Variants in LAMA1 observed in about 807,000 individuals in gnomAD.
LAMA1 encodes the protein laminin subunit alpha-1.
In LAMA1, 219 loss-of-function variants were observed where a neutral mutation model predicts 348.7. The observed-to-expected ratio is 0.63, with a 90% CI of 0.56 to 0.70. The LOEUF (loss-of-function observed/expected upper bound fraction) is 0.70. Among genes scored for constraint, LAMA1 ranks in the 30% least tolerant of loss-of-function variants. The pLI is 0.00. For synonymous variants in LAMA1, 1,487 were observed against 1,491.0 expected (o/e 1.00, Z 0.06); for missense variants, 3,744 against 3,888.0 (o/e 0.96, Z 0.99).
At chr18:6,968,361 G>A (rs1370299273) in intron 48 of LAMA1, among the ~76,000 whole-genome samples, 1 of 152,188 alleles carries the variant, frequency 6.6e-6, no homozygotes, top group Non-Finnish European at 1.5e-5. Flanking sequence ...CGTCATGCGA[G>A]GGCATGAGAT....
intron 5 of LAMA1, among the ~76,000 whole-genome samples, chr18:7,047,833 AC>A (rs1220314023): frequency 2.6e-5 from 4 of 152,138 alleles, no homozygotes; most frequent in Admixed American, 6.5e-5. Flanking sequence ...AGGAAAAAAA[AC>A]AAAAGCAAAA....
intron 1 of LAMA1, among the ~76,000 whole-genome samples, chr18:7,089,359 A>G (rs1355049190): frequency 4.2e-3 from 1 of 238 alleles, no homozygotes; most frequent in Non-Finnish European, 6.1e-3. Context: ...AGCCTGGGCA[A>G]AAAAAACAAA....
At chr18:7,012,247 T>C in intron 23 of LAMA1, 109 bp from the exon 24 acceptor site, 1 of 1,201,700 alleles carries the variant, frequency 8.3e-7, no homozygotes, top group Non-Finnish European at 1.2e-6. Flanking sequence ...TAATTATAGA[T>C]GCACAAACAT....
intron 3 of LAMA1, among the ~76,000 whole-genome samples, chr18:7,072,929 A>G (rs1391723126): frequency 2.6e-5 from 4 of 152,302 alleles, no homozygotes; most frequent in Non-Finnish European, 4.4e-5. Flanking sequence ...AGCCTTGCCC[A>G]GCAGCGGCCC....
Position 6,949,741 on chromosome 18 carries a change from G to A in LAMA1, c.8398-482C>T, listed in dbSNP as rs376424376. On this transcript the variant is annotated intron_variant, in intron 58 of 62. Coordinates refer to ENST00000389658, the MANE Select transcript of LAMA1 (RefSeq NM_005559.4). ...TTAGTTGACAGTTTAAAACAAAGAT[G>A]GTTAACAGTCCCTCCCCAAAACTAA... Among the ~76,000 whole-genome samples the A allele has an allele frequency of 3.3e-5, 5 of 152,268 alleles. No individual in the cohort carries two copies. In the East Asian group the frequency reaches 7.7e-4, roughly 23 times the overall value.
intron 44 of LAMA1, among the ~76,000 whole-genome samples, 182 bp from the exon 45 acceptor site, chr18:6,976,262 A>C (rs112784526): frequency 3.5e-4 from 53 of 152,332 alleles, no homozygotes; most frequent in African/African-American, 1.1e-3. Context: ...GATTTCATTA[A>C]GTGTTTAAAT....
intron 56 of LAMA1, chr18:6,956,418 T>C (rs764084547): frequency 5.5e-6 from 4 of 727,828 alleles, no homozygotes; most frequent in Non-Finnish European, 9.8e-6. Flanking sequence ...GGCCTGGGTG[T>C]TGGGGCCTAC....
At chr18:7,053,011 C>G (rs1026207164) in intron 3 of LAMA1, among the ~76,000 whole-genome samples, 1 of 152,184 alleles carries the variant, frequency 6.6e-6, no homozygotes, top group South Asian at 2.1e-4. Flanking sequence ...CAGAGCAAGA[C>G]TCTGTCTCAA....
At chr18:7,100,612 A>G (rs999635053) in intron 1 of LAMA1, among the ~76,000 whole-genome samples, 4 of 152,242 alleles carry the variant, frequency 2.6e-5, no homozygotes, top group Admixed American at 6.5e-5. Context: ...AATGTGGTGT[A>G]TCTACACACT....
chr18:7,081,208 A>G (rs745327071), intron 1 of LAMA1, among the ~76,000 whole-genome samples: 21 of 152,156 alleles, frequency 1.4e-4, no homozygotes, highest in Non-Finnish European at 2.5e-4. Flanking sequence ...TCACTGTACA[A>G]TTCTTTCCAC....
intron 3 of LAMA1, among the ~76,000 whole-genome samples, chr18:7,067,007 T>C (rs536029677): frequency 8.5e-5 from 13 of 152,338 alleles, no homozygotes; most frequent in Middle Eastern, 3.4e-3. Context: ...ACAGGTTAAA[T>C]GAATTATTGT....
At chr18:7,109,568 G>A (rs866344287) in intron 1 of LAMA1, among the ~76,000 whole-genome samples, 19 of 152,274 alleles carry the variant, frequency 1.2e-4, no homozygotes, top group South Asian at 4.1e-4. Context: ...GTGCATGAGT[G>A]GTCTGGTTAG....
intron 49 of LAMA1, 178 bp from the exon 50 acceptor site, chr18:6,965,610 C>T (rs959825176): frequency 7.8e-6 from 5 of 638,512 alleles, no homozygotes; most frequent in African/African-American, 3.7e-5. Flanking sequence ...TTCTAGAACA[C>T]TACACTAATA....
intron 53 of LAMA1, 192 bp from the exon 54 acceptor site, chr18:6,959,684 C>T (rs1175684075): frequency 9.5e-6 from 6 of 630,914 alleles, no homozygotes; most frequent in Non-Finnish European, 1.7e-5. Context: ...AATTTATATT[C>T]TGCATTATGC....
chr18:7,018,805 C>T (rs1049835173), intron 19 of LAMA1, among the ~76,000 whole-genome samples: 2 of 152,168 alleles, frequency 1.3e-5, no homozygotes, highest in African/African-American at 4.8e-5. Flanking sequence ...AAGGCCTAAA[C>T]ACGACCTGGA....
At chr18:6,955,042 A>C (rs1356616677) in intron 57 of LAMA1, 1 of 402,954 alleles carries the variant, frequency 2.5e-6, no homozygotes, top group East Asian at 5.9e-5. Flanking sequence ...ATGGGGTTGA[A>C]AGTCCAGACA....
Position 6,943,282 on chromosome 18 carries a change from T to A in LAMA1, c.8965A>T (p.Ile2989Phe), listed in dbSNP as rs1475344480. The A allele has an allele frequency of 6.2e-7, 1 of 1,614,100 alleles. No homozygotes were observed. ...GCGTTCCCGTCAACAATCAGAGTGA[T>A]ACGGTGTTTGCTTTTGTTAGCTTGA... Reference protein sequence around the residue: ...TLQANKSKHRITLIVDGNAVG... With the variant: ...TLQANKSKHRFTLIVDGNAVG... Residue 2989 changes from isoleucine to phenylalanine, a missense_variant, in exon 62 of 63, where the codon ATC becomes TTC. Physicochemically the swap from Ile to Phe is conservative, Grantham distance 21 (BLOSUM62 0). This residue lies in a region of LAMA1 where 232 missense variants were observed against 264.4 expected (regional missense o/e 0.88). Transcript: ENST00000389658.
intron 3 of LAMA1, among the ~76,000 whole-genome samples, chr18:7,061,435 T>C (rs2058101562): frequency 6.6e-6 from 1 of 152,174 alleles, no homozygotes; most frequent in African/African-American, 2.4e-5. Context: ...GCCCCTAGAA[T>C]GATATAAACC....
chr18:6,943,244 T>C lies in LAMA1; in HGVS notation c.9003A>G (p.Glu3001=). The C allele has an allele frequency of 6.2e-7, 1 of 1,614,226 alleles. No individual in the cohort carries two copies. Among genetic ancestry groups the C allele is most frequent in the Non-Finnish European group, 8.5e-7 (1 of 1,180,040 alleles). Residue 3001 remains glutamate, a synonymous_variant, in exon 62 of 63, where the codon GAA becomes GAG. Transcript: ENST00000389658. ...LIVDGNAVGA[E]SPHTQSTSVD... is the part of the protein sequence containing the mutation. ...CTGAGGTAGACTGGGTGTGTGGACT[T>C]TCAGCGCCAACTGCGTTCCCGTCAA...
Sources: gnomAD v4.1 joint callset for allele counts (sites outside exome capture counted in the v4.1 genomes callset) on GRCh38, gnomAD v4.1.1 for gene constraint, gnomAD v4.1.1 regional missense constraint, MANE v1.5 for transcripts, NCBI Gene and HGNC (gene_info 2026-07-23, HGNC 2026-07-21) for gene names.